Variants in RTN4 observed in about 807,000 individuals in gnomAD.
RTN4 encodes the protein reticulon 4, also known as reticulon-4.
RTN4 carries 32 observed loss-of-function variants against 90.4 expected under a neutral mutation model. The observed-to-expected ratio is 0.35, with a 90% CI of 0.27 to 0.48. The LOEUF is 0.48. RTN4 is among the 20% of genes least tolerant of loss of function. The pLI, the probability that RTN4 is intolerant of heterozygous loss-of-function variation, is 0.99. For synonymous variants in RTN4, 629 were observed against 552.5 expected (o/e 1.14, Z -1.94); for missense variants, 1,706 against 1,430.2 (o/e 1.19, Z -3.11).
chr2:55,065,751 TAATA>T (rs1288166682), intron 2 of RTN4, among the ~76,000 whole-genome samples: 1 of 32,500 alleles, frequency 3.1e-5, no homozygotes, highest in Non-Finnish European at 5.9e-5. Context: ...GATGGCTAGA[TAATA>T]AAAAAAAAAC....
chr2:54,973,383 CAT>C, intron 8 of RTN4, 178 bp downstream of exon 8: 1 of 754,754 alleles, frequency 1.3e-6, no homozygotes, highest in Non-Finnish European at 2.2e-6. Context: ...GCCTTAAACA[CAT>C]AATAAACCCA....
At chr2:55,091,233 T>C (rs377395220) in intron 1 of RTN4, among the ~76,000 whole-genome samples, 39 of 152,324 alleles carry the variant, frequency 2.6e-4, no homozygotes, top group African/African-American at 8.4e-4. Flanking sequence ...CAAATTCCTC[T>C]CTGTGGCCTA....
At chr2:54,996,240 T>C (rs1679417264) in intron 3 of RTN4, among the ~76,000 whole-genome samples, 1 of 152,188 alleles carries the variant, frequency 6.6e-6, no homozygotes, top group South Asian at 2.1e-4. Flanking sequence ...TGTTCATGAA[T>C]TGAAAGACAT....
the RTN4 span, among the ~76,000 whole-genome samples, chr2:55,129,056 C>T: frequency 4.1e-5 from 6 of 145,050 alleles, no homozygotes; most frequent in South Asian, 2.2e-4. Context: ...TGCAGTGAGC[C>T]GAGATCGCGC....
intron 1 of RTN4, among the ~76,000 whole-genome samples, chr2:55,086,436 G>T (rs762103317): frequency 8.6e-5 from 13 of 151,972 alleles, no homozygotes; most frequent in Non-Finnish European, 1.9e-4. Context: ...CAAGGCAGGA[G>T]GATTGTTTGT....
intron 1 of RTN4, chr2:55,046,703 G>C (rs1483266024): frequency 2.0e-5 from 3 of 152,150 alleles, no homozygotes; most frequent in Non-Finnish European, 4.4e-5. Flanking sequence ...CTCTTGGTAG[G>C]TAATCAATAA....
In RTN4 at chr2:55,026,107, A is replaced by C. The variant is rs370067144; in HGVS notation, c.1992T>G (p.Ser664Arg). ...ENPPPYEEAM[S>R]VSLKKVSGIK... ...TTCCTGATACTTTTTTTAGTGATAC[A>C]CTCATGGCCTCTTCATATGGTGGGG... The change falls in exon 3 of 9, where the codon AGT becomes AGG. Residue 664 changes from serine to arginine, a missense_variant. Transcript: ENST00000337526. The C allele has an allele frequency of 6.2e-7, 1 of 1,612,626 alleles. No individual in the cohort carries two copies. The highest frequency in any genetic ancestry group is 8.5e-7 in the Non-Finnish European group (1 of 1,179,670).
chr2:55,112,217 T>C (rs921655019), intron 1 of RTN4, among the ~76,000 whole-genome samples: 4 of 152,080 alleles, frequency 2.6e-5, no homozygotes, highest in Non-Finnish European at 4.4e-5. Flanking sequence ...TGACAAATAA[T>C]ACTAAGAAGA....
At chr2:55,010,295 G>A in intron 3 of RTN4, 2 of 1,450,680 alleles carry the variant, frequency 1.4e-6, no homozygotes, top group East Asian at 2.4e-5. Flanking sequence ...CGTCTTCTGG[G>A]TGTGGAACAG....
chr2:55,052,172 T>C (rs1668105972), upstream of RTN4, among the ~76,000 whole-genome samples: 1 of 152,228 alleles, frequency 6.6e-6, no homozygotes, highest in South Asian at 2.1e-4. Context: ...CCCACAGGAC[T>C]ATACAACAGA....
chr2:54,986,024 C>A (rs1040051875), intron 4 of RTN4, among the ~76,000 whole-genome samples: 4 of 152,124 alleles, frequency 2.6e-5, no homozygotes, highest in African/African-American at 9.7e-5. Context: ...TTAGGAAATT[C>A]TCCAAAGAGC....
chr2:55,047,556 T>C (rs1462819865), intron 1 of RTN4, among the ~76,000 whole-genome samples: 1 of 121,366 alleles, frequency 8.2e-6, no homozygotes, highest in Non-Finnish European at 1.7e-5. Flanking sequence ...TTTTCCCCCA[T>C]TATGGAGAAG....
At chr2:55,001,871 A>G (rs1679873381) in intron 3 of RTN4, among the ~76,000 whole-genome samples, 1 of 152,128 alleles carries the variant, frequency 6.6e-6, no homozygotes, top group South Asian at 2.1e-4. Flanking sequence ...CTAGTATACA[A>G]TTTTGTGGCA....
chr2:54,988,244 G>A (rs1385252805), intron 3 of RTN4, among the ~76,000 whole-genome samples: 1 of 152,170 alleles, frequency 6.6e-6, no homozygotes, highest in Admixed American at 6.5e-5. Flanking sequence ...TTGAACCCGG[G>A]AGGCAGAGGT....
upstream of RTN4, among the ~76,000 whole-genome samples, chr2:55,116,089 G>GACTTTTT (rs1409371829): frequency 1.2e-5 from 1 of 81,276 alleles, no homozygotes; most frequent in African/African-American, 5.1e-5. Flanking sequence ...ATGGGGACTA[G>GACTTTTT]TCTTTTTTTT....
intron 3 of RTN4, among the ~76,000 whole-genome samples, chr2:54,992,866 G>A (rs941052955): frequency 1.6e-4 from 24 of 151,614 alleles, no homozygotes; most frequent in Admixed American, 4.6e-4. Flanking sequence ...TCAGGAGATC[G>A]AGACCATCCT....
intron 5 of RTN4, among the ~76,000 whole-genome samples, chr2:54,978,144 T>G (rs1677798875): frequency 6.6e-6 from 1 of 152,144 alleles, no homozygotes; most frequent in Admixed American, 6.6e-5. Context: ...TAGTCATAAT[T>G]GTAGGCTGGG....
chr2:55,130,914 T>A, the RTN4 span, among the ~76,000 whole-genome samples: 1 of 152,056 alleles, frequency 6.6e-6, no homozygotes, highest in Non-Finnish European at 1.5e-5. Flanking sequence ...AAAGAAGGTA[T>A]TAGGAAGGTA....
chr2:55,052,407 A>C (rs1308087443), upstream of RTN4, among the ~76,000 whole-genome samples: 1 of 152,214 alleles, frequency 6.6e-6, no homozygotes, highest in Non-Finnish European at 1.5e-5. Flanking sequence ...CCTTTAAAAA[A>C]GGAAAAGAAT....
Sources: allele counts gnomAD v4.1 joint callset (sites outside exome capture counted in the v4.1 genomes callset), GRCh38; gene constraint gnomAD v4.1.1; transcripts MANE v1.5; gene names NCBI Gene and HGNC (gene_info 2026-07-23, HGNC 2026-07-21).